The following R3HDM2 variants were observed in gnomAD, a reference collection of about 807,000 sequenced individuals.
The protein encoded by R3HDM2 is R3H domain containing 2.
R3HDM2 carries 38 observed loss-of-function variants against 124.5 expected under a neutral mutation model. That is an observed-to-expected ratio of 0.31 (90% CI 0.24 to 0.40). The LOEUF (loss-of-function observed/expected upper bound fraction) is 0.40, where lower values mean the gene tolerates loss of function less well. Ranked by LOEUF, R3HDM2 falls within the 10% of genes least tolerant of loss-of-function variation. The pLI is 1.00. For missense variants in R3HDM2, 869 were observed against 1,236.9 expected (o/e 0.70, Z 4.46); for synonymous variants, 391 against 448.0 (o/e 0.87, Z 1.61).
At chr12:57,409,288 T>C (rs2068798819) in intron 1 of R3HDM2, among the ~76,000 whole-genome samples, 1 of 152,052 alleles carries the variant, frequency 6.6e-6, no homozygotes, top group South Asian at 2.1e-4. Context: ...AAACATACAA[T>C]ATTATCTTCT....
chr12:57,305,864 T>C (rs1251500642), intron 3 of R3HDM2, among the ~76,000 whole-genome samples: 2 of 152,226 alleles, frequency 1.3e-5, no homozygotes, highest in East Asian at 3.8e-4. Flanking sequence ...TGAGCCAAAA[T>C]TGACCTAATC....
intron 6 of R3HDM2, among the ~76,000 whole-genome samples, chr12:57,298,964 AAAAAATAAAAATAAAAAT>A (rs1409644262): frequency 1.3e-5 from 2 of 152,238 alleles, no homozygotes; most frequent in African/African-American, 4.8e-5. Context: ...CTCTGTCTCA[AAAAAATAAAAATAAAAAT>A]AAAAATAAAT....
chr12:57,279,999 T>C (rs1228530679), intron 14 of R3HDM2, among the ~76,000 whole-genome samples: 1 of 152,206 alleles, frequency 6.6e-6, no homozygotes, highest in East Asian at 1.9e-4. Context: ...TATAATCTTT[T>C]CAAGTTCCAA....
chr12:57,371,001 A>G (rs1304770856), intron 2 of R3HDM2, among the ~76,000 whole-genome samples: 1 of 151,898 alleles, frequency 6.6e-6, no homozygotes, highest in African/African-American at 2.4e-5. Context: ...AAGCAGCAAC[A>G]GAAGACCAAA....
chr12:57,303,685 G>A (rs2051836155), intron 3 of R3HDM2, among the ~76,000 whole-genome samples: 1 of 152,150 alleles, frequency 6.6e-6, no homozygotes, highest in African/African-American at 2.4e-5. Flanking sequence ...GGGAGGCTGA[G>A]GTGGGAGGAT....
chr12:57,405,928 A>T (rs2068484570), intron 1 of R3HDM2, among the ~76,000 whole-genome samples: 1 of 152,200 alleles, frequency 6.6e-6, no homozygotes, highest in Admixed American at 6.5e-5. Context: ...AAAGCAAGGA[A>T]GCTATCAAAG....
At chr12:57,308,176 TC>T (rs568059724) in intron 3 of R3HDM2, among the ~76,000 whole-genome samples, 146 of 151,078 alleles carry the variant, frequency 9.7e-4, no homozygotes, top group African/African-American at 3.3e-3. Context: ...TGCCTCAGCC[TC>T]CCAAGTAGCT....
In R3HDM2 at chr12:57,269,843, G is replaced by A. The variant is rs1481051181; in HGVS notation, c.1496C>T (p.Pro499Leu). The change falls in exon 15 of 24, where the codon CCC (proline) becomes CTC (leucine). Residue 499 changes from proline to leucine, a missense_variant. Physicochemically the swap from Pro to Leu is moderately conservative, Grantham distance 98. Around this residue, in one of 2 missense-constraint regions of R3HDM2, gnomAD observed 602 missense variants for 789.2 expected, o/e 0.76. Transcript: ENST00000402412. ...GGTGGAATAGTTGGAAGTGGGGAGGGGCTGACCCGTGGAAGCCATGATGAA... is the reference window on the plus strand; with the variant it reads ...GGTGGAATAGTTGGAAGTGGGGAGGAGCTGACCCGTGGAAGCCATGATGAA... ...TSFIMASTGQ[P>L]LPTSNYSTSS... 6.2e-7 allele frequency: 1 copy of A among 1,614,118 alleles called. No homozygotes were observed. Among genetic ancestry groups the A allele is most frequent in the African/African-American group, 1.3e-5 (1 of 75,028 alleles).
chr12:57,316,935 T>C (rs370587939), intron 2 of R3HDM2, among the ~76,000 whole-genome samples: 6 of 151,924 alleles, frequency 3.9e-5, no homozygotes, highest in African/African-American at 1.5e-4. Context: ...TTGGTAGAGA[T>C]GGGGTTTCTC....
chr12:57,421,607 G>A (rs774368747), intron 1 of R3HDM2, among the ~76,000 whole-genome samples: 4 of 151,744 alleles, frequency 2.6e-5, no homozygotes, highest in Non-Finnish European at 5.9e-5. Flanking sequence ...CCCAGGTTTA[G>A]GTAATCCTCC....
chr12:57,370,498 G>T (rs1425383403), intron 2 of R3HDM2, among the ~76,000 whole-genome samples: 2 of 150,502 alleles, frequency 1.3e-5, no homozygotes, highest in Admixed American at 6.7e-5. Flanking sequence ...AAATTAGCCA[G>T]GCATGGTGGT....
rs967065899 is a variant in R3HDM2 at position 57,266,631 on chromosome 12, T to C, written c.2131+100A>G. The C allele has an allele frequency of 6.6e-6, 6 of 906,186 alleles. No homozygotes were observed. In the African/African-American group the frequency reaches 9.9e-5, roughly 15 times the overall value. 56.1% of individuals were successfully genotyped at this position (906,186 alleles called of 1,614,324 possible). A position where few individuals can be genotyped will look rare whatever the true frequency, so the allele number is the denominator to read the frequency against. On this transcript the variant is annotated intron_variant, in intron 19 of 23. Coordinates refer to ENST00000402412, the MANE Select transcript of R3HDM2 (RefSeq NM_001394031.1). Reference sequence around the variant, plus strand: ...GGAGTCACAGTGGGGACAGACCCAATACCTGAACTCTTTTTGCCCTTCCCA... The same window carrying C: ...GGAGTCACAGTGGGGACAGACCCAACACCTGAACTCTTTTTGCCCTTCCCA...
intron 18 of R3HDM2, 56 bp from the exon 19 acceptor site, chr12:57,266,887 C>T (rs1413051151): frequency 7.9e-7 from 1 of 1,264,166 alleles, no homozygotes; most frequent in African/African-American, 1.5e-5. Context: ...AACACAGCTC[C>T]TGGCAAACAG....
At chr12:57,414,421 G>A (rs1031694398) in intron 1 of R3HDM2, among the ~76,000 whole-genome samples, 2 of 145,578 alleles carry the variant, frequency 1.4e-5, no homozygotes, top group Admixed American at 7.1e-5. Flanking sequence ...AACCTGGGAG[G>A]CAAAGTTGCA....
At chr12:57,372,598 T>A (rs185990593) in intron 2 of R3HDM2, among the ~76,000 whole-genome samples, 1 of 152,292 alleles carries the variant, frequency 6.6e-6, no homozygotes, top group East Asian at 1.9e-4. Flanking sequence ...TAATAAACAA[T>A]GGTACTATTT....
intron 1 of R3HDM2, among the ~76,000 whole-genome samples, chr12:57,416,799 C>G (rs1237993630): frequency 3.3e-5 from 5 of 151,220 alleles, no homozygotes; most frequent in African/African-American, 9.7e-5. Flanking sequence ...CAGAGTGAGA[C>G]TCTGTCCCCC....
At chr12:57,275,515 A>C (rs1224197242) in intron 14 of R3HDM2, among the ~76,000 whole-genome samples, 10 of 151,908 alleles carry the variant, frequency 6.6e-5, no homozygotes, top group Non-Finnish European at 1.5e-4. Flanking sequence ...AAAAAAAAAA[A>C]AAACAGCAGA....
chr12:57,410,582 A>G (rs2068920923), intron 1 of R3HDM2, among the ~76,000 whole-genome samples: 1 of 152,160 alleles, frequency 6.6e-6, no homozygotes, highest in Non-Finnish European at 1.5e-5. Context: ...GCCAGGCACA[A>G]TGGTTCACGC....
At chr12:57,428,551 A>C (rs1594700898) in intron 1 of R3HDM2, among the ~76,000 whole-genome samples, 1 of 149,722 alleles carries the variant, frequency 6.7e-6, no homozygotes, top group Admixed American at 6.6e-5. Context: ...GCTACCCAGG[A>C]GGCTGAGGCA....
Sources: allele counts gnomAD v4.1 joint callset (sites outside exome capture counted in the v4.1 genomes callset), GRCh38; gene constraint gnomAD v4.1.1; regional missense constraint gnomAD v4.1.1; transcripts MANE v1.5; gene names NCBI Gene and HGNC (gene_info 2026-07-23, HGNC 2026-07-21).